Variants in DCC observed in about 807,000 individuals in gnomAD.
DCC encodes the protein DCC netrin 1 receptor.
DCC carries 58 observed loss-of-function variants against 172.5 expected under a neutral mutation model. The observed-to-expected ratio is 0.34, with a 90% CI of 0.27 to 0.42. DCC has a LOEUF of 0.42. Ranked by LOEUF, DCC falls within the 10% of genes least tolerant of loss-of-function variation. The pLI, the probability that DCC is intolerant of heterozygous loss-of-function variation, is 1.00. For synonymous variants in DCC, 709 were observed against 644.5 expected (o/e 1.10, Z -1.52); for missense variants, 1,740 against 1,791.0 (o/e 0.97, Z 0.51).
chr18:52,869,380 T>C, intron 2 of DCC, among the ~76,000 whole-genome samples: 1 of 152,200 alleles, frequency 6.6e-6, no homozygotes, highest in East Asian at 1.9e-4. Flanking sequence ...TCTGCTCTGC[T>C]CTGGTTGAGC....
At chr18:52,885,353 A>G (rs2145412341) in intron 2 of DCC, among the ~76,000 whole-genome samples, 1 of 152,262 alleles carries the variant, frequency 6.6e-6, no homozygotes, top group Non-Finnish European at 1.5e-5. Context: ...ACTATGGTTA[A>G]GCTGGCACTC....
chr18:52,378,319 A>C (rs1479993026), intron 1 of DCC, among the ~76,000 whole-genome samples: 1 of 152,112 alleles, frequency 6.6e-6, no homozygotes. Context: ...AGAAAAAAAA[A>C]AAACTAGAAT....
At chr18:53,135,437 G>C (rs977398843) in intron 7 of DCC, among the ~76,000 whole-genome samples, 1 of 152,084 alleles carries the variant, frequency 6.6e-6, no homozygotes, top group Admixed American at 6.6e-5. Flanking sequence ...TGCAGGAAAG[G>C]CAATAAAATT....
At chr18:53,322,989 T>C (rs912247724) in intron 14 of DCC, among the ~76,000 whole-genome samples, 2 of 152,126 alleles carry the variant, frequency 1.3e-5, no homozygotes, top group Admixed American at 1.3e-4. Flanking sequence ...TAAAGGTAGA[T>C]GTAAAGATAA....
chr18:52,643,374 T>C (rs2034949673), intron 1 of DCC, among the ~76,000 whole-genome samples: 1 of 152,202 alleles, frequency 6.6e-6, no homozygotes, highest in Non-Finnish European at 1.5e-5. Flanking sequence ...TTCTCCCTGG[T>C]TCTTTGAGAA....
chr18:52,526,095 G>A (rs184899033), intron 1 of DCC, among the ~76,000 whole-genome samples: 4 of 152,274 alleles, frequency 2.6e-5, no homozygotes, highest in Admixed American at 6.5e-5. Flanking sequence ...AAGAAGTGGT[G>A]GTTGTCCTTG....
intron 5 of DCC, among the ~76,000 whole-genome samples, chr18:53,002,874 C>A (rs553721803): frequency 6.6e-6 from 1 of 152,254 alleles, no homozygotes; most frequent in Non-Finnish European, 1.5e-5. Context: ...CAGTGAGGAG[C>A]TGTATCAGCA....
At position 53,305,637 on chromosome 18, in the gene DCC, C is replaced by G. The variant is rs2057191034; in HGVS notation, c.1971C>G (p.Gly657=). ...PSGTQNGFIT[G]YKIRHRKTTR... ...GAACACAAAATGGATTTATTACCGG[C>G]TATAAAATTCGACACAGAAAGACGA... Residue 657 remains glycine, a synonymous_variant, in exon 13 of 29, where the codon GGC becomes GGG. Transcript: ENST00000442544. 1 of 1,613,630 alleles carries G rather than the reference C, an allele frequency of 6.2e-7. No individual in the cohort carries two copies. Among genetic ancestry groups the G allele is most frequent in the Non-Finnish European group, 8.5e-7 (1 of 1,179,562 alleles).
At chr18:53,514,395 GA>G (rs1160591601) in intron 27 of DCC, among the ~76,000 whole-genome samples, 1 of 152,016 alleles carries the variant, frequency 6.6e-6, no homozygotes, top group Non-Finnish European at 1.5e-5. Context: ...AAAAGAACTA[GA>G]AAAGCAAGAG....
At chr18:53,302,439 A>G (rs2057152534) in intron 12 of DCC, among the ~76,000 whole-genome samples, 1 of 152,132 alleles carries the variant, frequency 6.6e-6, no homozygotes, top group South Asian at 2.1e-4. Flanking sequence ...TTAACTTCAC[A>G]TAAATGGAAT....
intron 7 of DCC, among the ~76,000 whole-genome samples, chr18:53,142,903 T>G (rs2043852021): frequency 6.6e-6 from 1 of 152,182 alleles, no homozygotes; most frequent in Non-Finnish European, 1.5e-5. Flanking sequence ...ATCTTTCCCT[T>G]TTTTCTTGAC....
chr18:53,514,785 T>G (rs369714300), intron 27 of DCC, among the ~76,000 whole-genome samples: 28 of 151,986 alleles, frequency 1.8e-4, no homozygotes, highest in Admixed American at 3.3e-4. Flanking sequence ...AATAACAGGA[T>G]CTGAAATTGT....
chr18:52,772,006 G>A (rs1459975358), intron 2 of DCC, among the ~76,000 whole-genome samples: 1 of 151,824 alleles, frequency 6.6e-6, no homozygotes, highest in Non-Finnish European at 1.5e-5. Flanking sequence ...ATGTTTACAC[G>A]AGATAACACT....
intron 2 of DCC, among the ~76,000 whole-genome samples, chr18:52,856,235 G>A (rs192117267): frequency 1.4e-4 from 22 of 152,250 alleles, no homozygotes; most frequent in Middle Eastern, 3.4e-3. Flanking sequence ...GTATGTATAT[G>A]TGAATATAGA....
intron 1 of DCC, among the ~76,000 whole-genome samples, chr18:52,600,340 T>A (rs994285384): frequency 6.6e-6 from 1 of 152,208 alleles, no homozygotes; most frequent in Non-Finnish European, 1.5e-5. Flanking sequence ...TGATTTTGGA[T>A]GCTTTTTTCC....
intron 1 of DCC, among the ~76,000 whole-genome samples, chr18:52,698,974 G>A (rs1209988428): frequency 6.6e-6 from 1 of 152,082 alleles, no homozygotes; most frequent in Non-Finnish European, 1.5e-5. Context: ...ACTATCTATA[G>A]CATGGGACCA....
At chr18:53,059,288 A>G (rs2042460731) in intron 5 of DCC, among the ~76,000 whole-genome samples, 2 of 152,164 alleles carry the variant, frequency 1.3e-5, no homozygotes, top group South Asian at 4.1e-4. Flanking sequence ...GCCAAACTGT[A>G]TCAGTGTATA....
intron 1 of DCC, among the ~76,000 whole-genome samples, chr18:52,482,831 T>C: frequency 6.6e-6 from 1 of 152,166 alleles, no homozygotes; most frequent in Non-Finnish European, 1.5e-5. Context: ...TCCTAATGAT[T>C]CTCTTTACCC....
At chr18:52,684,992 AT>A (rs1033108063) in intron 1 of DCC, among the ~76,000 whole-genome samples, 1 of 151,916 alleles carries the variant, frequency 6.6e-6, no homozygotes, top group African/African-American at 2.4e-5. Flanking sequence ...TCCAATTCCT[AT>A]TTTTTTTACC....
Sources: allele counts gnomAD v4.1 joint callset (sites outside exome capture counted in the v4.1 genomes callset), GRCh38; gene constraint gnomAD v4.1.1; transcripts MANE v1.5; gene names NCBI Gene and HGNC (gene_info 2026-07-23, HGNC 2026-07-21).